SYNE2: variants seen among roughly 807,000 people sequenced by gnomAD.
SYNE2 encodes spectrin repeat containing nuclear envelope protein 2, also known as nesprin-2.
In SYNE2, 431 loss-of-function variants were observed where a neutral mutation model predicts 856.3. The ratio of observed to expected loss-of-function variants is 0.50; its 90% CI spans 0.47 to 0.55. SYNE2 has a LOEUF of 0.55. Among genes scored for constraint, SYNE2 ranks in the 20% least tolerant of loss-of-function variants. The pLI is 0.00. For missense variants in SYNE2, 8,129 were observed against 8,023.2 expected (o/e 1.01, Z -0.50); for synonymous variants, 2,923 against 2,872.3 (o/e 1.02, Z -0.56).
intron 2 of SYNE2, among the ~76,000 whole-genome samples, chr14:63,912,216 G>A (rs1225817701): frequency 6.6e-6 from 1 of 152,128 alleles, no homozygotes; most frequent in Non-Finnish European, 1.5e-5. Flanking sequence ...CAGTGAATTT[G>A]TAATGATTCT....
chr14:64,038,277 A>G, intron 45 of SYNE2, among the ~76,000 whole-genome samples: 1 of 148,844 alleles, frequency 6.7e-6, no homozygotes. Context: ...CACTTCCTAG[A>G]TGGGATGGGG....
chr14:63,765,996 C>A (rs1297211633), intron 1 of SYNE2, among the ~76,000 whole-genome samples: 1 of 151,996 alleles, frequency 6.6e-6, no homozygotes, highest in South Asian at 2.1e-4. Context: ...CAGAGCAAGA[C>A]CCTGTCTCAA....
rs2098511514 is a variant in SYNE2, at chr14:64,190,177, A to G, written c.17978A>G (p.Asp5993Gly). The G allele has an allele frequency of 1.2e-6, 2 of 1,614,040 alleles. No individual in the cohort carries two copies. Among genetic ancestry groups the G allele is most frequent in the Middle Eastern group, 1.6e-4 (1 of 6,084 alleles). ...AACAAATCAAGAGCAGCTGAGATCG[A>G]TGACAAGCTCAACAAAATTAACGAT... is the stretch of plus-strand genomic sequence containing the variant. ...ASNKSRAAEIDDKLNKINDRW... is the reference protein window; with the variant it reads ...ASNKSRAAEIGDKLNKINDRW... The change falls in exon 99 of 116, where the codon GAT becomes GGT. Residue 5993 changes from aspartate to glycine, a missense_variant. Physicochemically the swap from Asp to Gly is moderately conservative, Grantham distance 94. This residue lies in a region of SYNE2 where 5,410 missense variants were observed against 5,284.8 expected (regional missense o/e 1.02). Coordinates refer to ENST00000555002, the MANE Select transcript of SYNE2 (RefSeq NM_182914.3).
At chr14:63,948,782 G>GTA (rs3062027) in intron 6 of SYNE2, among the ~76,000 whole-genome samples, 4,222 of 43,448 alleles carry the variant, frequency 0.097, 229 homozygotes, top group Non-Finnish European at 0.12. Context: ...ATGTGTGTGT[G>GTA]TATATATATA....
chr14:64,224,490 C>T lies in SYNE2; in HGVS notation c.20412C>T (p.Asp6804=), dbSNP rs760482716. 8.1e-6 allele frequency: 13 copies of T among 1,614,036 alleles called. No individual in the cohort carries two copies. The East Asian group carries it at 8.9e-5, about 11-fold the overall frequency. The change falls in exon 114 of 116, where the codon GAC becomes GAT. Residue 6804 remains aspartate (D), a synonymous_variant. Coordinates refer to ENST00000555002, the MANE Select transcript of SYNE2 (RefSeq NM_182914.3). ...CAGCCTCACCCCTGCCCAGCTTCGA[C>T]GAGGTAGACTCGGGGGACCAGCCTC... is the stretch of plus-strand genomic sequence containing the variant. ...QNPASPLPSF[D]EVDSGDQPPA...
In SYNE2 at chr14:64,191,473, G is replaced by A. The variant is rs572360565; in HGVS notation, c.18038+1236G>A. On this transcript the variant is annotated intron_variant, in intron 99 of 115. Transcript: ENST00000555002. The stretch of plus-strand genomic sequence containing the variant: ...TGAATGAGGGATTGCGGTTACTGGT[G>A]GCAGAGAGAGAGACACATACATTGA... 2.4e-4 allele frequency among the ~76,000 whole-genome samples: 37 copies of A among 152,262 alleles called. 3 individuals are homozygous for A. The highest frequency in any genetic ancestry group is 2.2e-3 in the Admixed American group (34 of 15,280).
At chr14:63,786,196 A>G (rs1180989614) in intron 1 of SYNE2, among the ~76,000 whole-genome samples, 2 of 149,514 alleles carry the variant, frequency 1.3e-5, no homozygotes, top group Non-Finnish European at 3.0e-5. Flanking sequence ...TTTGCAGTGA[A>G]CTGAGATCAC....
chr14:64,022,201 T>G (rs1206135563), intron 37 of SYNE2, among the ~76,000 whole-genome samples, 173 bp downstream of exon 37: 2 of 152,184 alleles, frequency 1.3e-5, no homozygotes, highest in Non-Finnish European at 2.9e-5. Flanking sequence ...ATGCTTGACA[T>G]AAATAACACC....
Position 64,216,261 on chromosome 14 carries a change from G to T in SYNE2, c.19416G>T (p.Ser6472=). 1 of 1,614,104 alleles carries T rather than the reference G, an allele frequency of 6.2e-7. No homozygotes were observed. Among genetic ancestry groups the T allele is most frequent in the Non-Finnish European group, 8.5e-7 (1 of 1,180,036 alleles). Residue 6472 remains serine (S), a synonymous_variant, in exon 108 of 116, where the codon TCG becomes TCT. Transcript: ENST00000555002. ...CTTTCGTTTCAGGTAAATCCATTTC[G>T]GATGGCCACTCGTGGCATGTTCCCG... is the stretch of plus-strand genomic sequence containing the variant. ...TLKASSGKSI[S]DGHSWHVPDS... is the part of the protein sequence containing the mutation.
At chr14:64,133,483 C>G (rs8003196) in intron 77 of SYNE2, among the ~76,000 whole-genome samples, 1 of 151,776 alleles carries the variant, frequency 6.6e-6, no homozygotes, top group African/African-American at 2.4e-5. Flanking sequence ...TTGGGGTCCT[C>G]GGGGTGGGCA....
At chr14:63,984,660 A>C (rs932487393) in intron 18 of SYNE2, among the ~76,000 whole-genome samples, 3 of 152,226 alleles carry the variant, frequency 2.0e-5, no homozygotes, top group African/African-American at 7.2e-5. Context: ...ATATACTTGT[A>C]AGATATAATA....
rs1567653389 is a variant in SYNE2, at chr14:64,210,121, C to G, written c.18720C>G (p.Leu6240=). The part of the protein sequence containing the change: ...QRRVTAVLRR[L]RHFTNQREEF... The stretch of plus-strand genomic sequence containing the variant: ...GGGTCACAGCCGTCCTGCGGAGACT[C>G]AGGGTGAGCTCCTCTGCACCTGGCT... The change falls in exon 103 of 116, where the codon CTC becomes CTG. Residue 6240 remains leucine (L), a synonymous_variant. Coordinates refer to ENST00000555002, the MANE Select transcript of SYNE2 (RefSeq NM_182914.3). 6.2e-7 allele frequency: 1 copy of G among 1,613,386 alleles called. No homozygotes were observed. Among genetic ancestry groups the G allele is most frequent in the Admixed American group, 1.7e-5 (1 of 59,998 alleles).
intron 109 of SYNE2, 95 bp downstream of exon 109, chr14:64,218,607 G>C (rs2098677980): frequency 1.6e-6 from 2 of 1,220,124 alleles, no homozygotes; most frequent in South Asian, 2.6e-5. Context: ...CCAACTATAC[G>C]ATTCGCCAGA....
chr14:64,068,938 G>A (rs1262137187), intron 51 of SYNE2, among the ~76,000 whole-genome samples: 1 of 151,688 alleles, frequency 6.6e-6, no homozygotes, highest in Non-Finnish European at 1.5e-5. Context: ...CAACTTCACA[G>A]TGGACACCAG....
rs2096924917 is a variant in SYNE2 at position 64,020,046 on chromosome 14, G to A, written c.5104G>A (p.Glu1702Lys). The A allele has an allele frequency of 2.5e-6, 4 of 1,614,016 alleles. No homozygotes were observed. In the African/African-American group the frequency reaches 4.0e-5, roughly 16 times the overall value. The change falls in exon 35 of 116, where the codon GAA (glutamate) becomes AAA (lysine). Residue 1702 changes from glutamate to lysine, a missense_variant. Coordinates refer to ENST00000555002, the MANE Select transcript of SYNE2 (RefSeq NM_182914.3). Reference sequence around the variant, plus strand: ...TTCAGAATTTTCTAGAAGAGTGGCTGAAATACAGTTTTTGCTCCAAAGCAG... The same window carrying A: ...TTCAGAATTTTCTAGAAGAGTGGCTAAAATACAGTTTTTGCTCCAAAGCAG... ...KTSEFSRRVA[E>K]IQFLLQSSEI... is the part of the protein sequence containing the mutation.
At chr14:64,012,978 G>A (rs1488922018) in intron 32 of SYNE2, among the ~76,000 whole-genome samples, 1 of 152,074 alleles carries the variant, frequency 6.6e-6, no homozygotes, top group African/African-American at 2.4e-5. Flanking sequence ...TCTAGGATAT[G>A]GTGACAAAGT....
intron 97 of SYNE2, among the ~76,000 whole-genome samples, chr14:64,186,899 A>C (rs2098494277): frequency 2.0e-5 from 3 of 152,234 alleles, no homozygotes; most frequent in Non-Finnish European, 4.4e-5. Flanking sequence ...AGTCCTAATC[A>C]GTGTATCAGA....
chr14:63,926,082 G>A (rs1354992780), intron 2 of SYNE2, among the ~76,000 whole-genome samples: 4 of 152,022 alleles, frequency 2.6e-5, no homozygotes, highest in Non-Finnish European at 5.9e-5. Context: ...GAGCTCAAGC[G>A]ATCTGCCCAC....
At chr14:63,786,611 C>T (rs79128533) in intron 1 of SYNE2, among the ~76,000 whole-genome samples, 1,601 of 152,284 alleles carry the variant, frequency 0.011, 30 homozygotes, top group African/African-American at 0.036. Context: ...GAGGACCCAA[C>T]TCTATTTGCT....
Sources: gnomAD v4.1 joint callset for allele counts (sites outside exome capture counted in the v4.1 genomes callset) on GRCh38, gnomAD v4.1.1 for gene constraint, gnomAD v4.1.1 regional missense constraint, MANE v1.5 for transcripts, NCBI Gene and HGNC (gene_info 2026-07-23, HGNC 2026-07-21) for gene names.